The following CPXM2 variants were observed in gnomAD, a reference collection of about 807,000 sequenced individuals.
CPXM2 encodes carboxypeptidase X, M14 family member 2.
CPXM2 carries 66 observed loss-of-function variants against 86.1 expected under a neutral mutation model. The observed-to-expected ratio is 0.77, with a 90% CI of 0.63 to 0.94. The LOEUF is 0.94. CPXM2 is among the 40% of genes least tolerant of loss of function. The pLI, the probability that CPXM2 is intolerant of heterozygous loss-of-function variation, is 0.00. For missense variants in CPXM2, 948 were observed against 1,026.3 expected, an observed-to-expected ratio of 0.92 and a Z score of 1.04; for synonymous variants, 388 against 400.2, an observed-to-expected ratio of 0.97 and a Z score of 0.36.
chr10:123,790,334 C>T lies in CPXM2; in HGVS notation c.889+7642G>A, dbSNP rs530218907. Among the ~76,000 whole-genome samples the T allele has an allele frequency of 8.8e-5, 13 of 148,054 alleles. No individual in the cohort carries two copies. In the South Asian group the frequency reaches 1.3e-3, roughly 15 times the overall value. On this transcript the variant is annotated intron_variant, in intron 6 of 13. Coordinates refer to ENST00000241305, the MANE Select transcript of CPXM2 (RefSeq NM_198148.3). ...GCAGGTGACTAGGAGTGACTGAAGA[C>T]AGAGCAGGTGACCAGGGGTGACTCA... is the stretch of plus-strand genomic sequence containing the variant.
chr10:123,814,671 G>T (rs1847776281), intron 4 of CPXM2, among the ~76,000 whole-genome samples: 1 of 152,082 alleles, frequency 6.6e-6, no homozygotes. Context: ...AAATGCTAAG[G>T]ACTCTACTTC....
intron 4 of CPXM2, among the ~76,000 whole-genome samples, chr10:123,821,101 T>C (rs1366124933): frequency 6.6e-6 from 1 of 152,180 alleles, no homozygotes; most frequent in Admixed American, 6.5e-5. Flanking sequence ...TCCTGCCACC[T>C]GGGTCCCAAC....
chr10:123,879,989 T>C (rs1290184923), intron 2 of CPXM2, among the ~76,000 whole-genome samples: 1 of 152,104 alleles, frequency 6.6e-6, no homozygotes, highest in East Asian at 1.9e-4. Flanking sequence ...AATCAGAAAA[T>C]CTGGCTGTGA....
intron 11 of CPXM2, among the ~76,000 whole-genome samples, chr10:123,757,651 TA>T (rs1846246158): frequency 6.6e-6 from 1 of 152,326 alleles, no homozygotes; most frequent in African/African-American, 2.4e-5. Context: ...TTTATTAAAG[TA>T]AAAAAGTTTA....
At chr10:123,819,384 T>G (rs1847879296) in intron 4 of CPXM2, among the ~76,000 whole-genome samples, 1 of 152,102 alleles carries the variant, frequency 6.6e-6, no homozygotes, top group Admixed American at 6.5e-5. Context: ...CCTGCTGGGG[T>G]GCTTGCTGAA....
At position 123,751,087 on chromosome 10, in the gene CPXM2, G is replaced by A. The variant is rs546242470; in HGVS notation, c.2017+3576C>T. On this transcript the variant is annotated intron_variant, in intron 13 of 13. Coordinates refer to ENST00000241305, the MANE Select transcript of CPXM2 (RefSeq NM_198148.3). The stretch of plus-strand genomic sequence containing the variant: ...CATTCATGCGTGCCAAGCCTGTCCC[G>A]CAGACTCTGGCCAAGAGATGGATGA... 4.7e-4 allele frequency: 458 copies of A among 982,982 alleles called. 1 individual carries two copies. The highest frequency in any genetic ancestry group is 3.1e-3 in the South Asian group (65 of 21,234). The allele number at this position is 982,982 out of a possible 1,614,324, so 60.9% of individuals were successfully genotyped here.
chr10:123,833,142 G>C (rs1848203188), intron 4 of CPXM2, among the ~76,000 whole-genome samples: 1 of 152,190 alleles, frequency 6.6e-6, no homozygotes, highest in African/African-American at 2.4e-5. Context: ...ATCATGAACA[G>C]ACTAAGACAG....
At chr10:123,871,650 T>C (rs946486748) in intron 2 of CPXM2, among the ~76,000 whole-genome samples, 1 of 152,132 alleles carries the variant, frequency 6.6e-6, no homozygotes, top group Non-Finnish European at 1.5e-5. Context: ...TTCATGACCT[T>C]GGGGTGGGCA....
At chr10:123,747,105 CAGAG>C in intron 13 of CPXM2, 88 bp from the exon 14 acceptor site, 1 of 1,471,090 alleles carries the variant, frequency 6.8e-7, no homozygotes. Context: ...CTCCCTGGGC[CAGAG>C]AGAGACTCTC....
rs79746537 is a variant in CPXM2, at chr10:123,884,151, A to G, written c.305-3842T>C. 9.0e-3 allele frequency among the ~76,000 whole-genome samples: 1,374 copies of G among 152,300 alleles called. 13 individuals carry two copies. Among genetic ancestry groups the G allele is most frequent in the Non-Finnish European group, 0.015 (1,029 of 68,026 alleles). On this transcript the variant is annotated intron_variant, in intron 1 of 13. Transcript: ENST00000241305. ...ATCTTCCCCAGGAAATTCCAGTCCA[A>G]CAGGCTCTGCATTCCTGTAGTAAAG... is the stretch of plus-strand genomic sequence containing the variant.
chr10:123,887,102 C>G (rs1590103028), intron 1 of CPXM2: 1 of 152,308 alleles, frequency 6.6e-6, no homozygotes, highest in African/African-American at 2.4e-5. Flanking sequence ...AATTAGAGAG[C>G]AGAACGTTGT....
chr10:123,906,776 C>G (rs1287561852), intron 2 of CPXM2, among the ~76,000 whole-genome samples: 1 of 152,204 alleles, frequency 6.6e-6, no homozygotes, highest in Non-Finnish European at 1.5e-5. Context: ...AAGCCATCCC[C>G]ATGCACTTTT....
At chr10:123,884,780 T>A (rs752125746) in intron 1 of CPXM2, among the ~76,000 whole-genome samples, 1 of 152,216 alleles carries the variant, frequency 6.6e-6, no homozygotes, top group African/African-American at 2.4e-5. Context: ...TTCTCTGGGA[T>A]ACCTGCCTGG....
At chr10:123,899,571 C>T (rs140571186) in intron 2 of CPXM2, among the ~76,000 whole-genome samples, 51 of 152,356 alleles carry the variant, frequency 3.3e-4, no homozygotes, top group Admixed American at 1.1e-3. Flanking sequence ...AACCCCAGCA[C>T]TTTGCGAGGC....
At chr10:123,815,315 T>C (rs1847791381) in intron 4 of CPXM2, among the ~76,000 whole-genome samples, 1 of 152,094 alleles carries the variant, frequency 6.6e-6, no homozygotes, top group Admixed American at 6.5e-5. Context: ...GAGCTGAAAT[T>C]GTGGAAAAAC....
chr10:123,907,701 G>A (rs74992568), intron 2 of CPXM2, among the ~76,000 whole-genome samples: 10,975 of 151,376 alleles, frequency 0.073, 503 homozygotes, highest in East Asian at 0.19. Context: ...CCTCCCACAA[G>A]TTCATTCATG....
intron 4 of CPXM2, among the ~76,000 whole-genome samples, chr10:123,816,581 G>A (rs112893776): frequency 0.032 from 4,804 of 152,316 alleles, 254 homozygotes; most frequent in African/African-American, 0.11. Flanking sequence ...ACCAAGTGGT[G>A]ACTCCAATTG....
At chr10:123,817,088 G>C (rs1847828536) in intron 4 of CPXM2, among the ~76,000 whole-genome samples, 1 of 152,202 alleles carries the variant, frequency 6.6e-6, no homozygotes. Context: ...CTACAACCAA[G>C]AAAGAGGCAC....
chr10:123,755,578 C>T (rs763201811), intron 12 of CPXM2, among the ~76,000 whole-genome samples: 3 of 152,192 alleles, frequency 2.0e-5, no homozygotes, highest in Non-Finnish European at 2.9e-5. Flanking sequence ...TTTATAGGCA[C>T]ATTTATTTTG....
Sources: allele counts gnomAD v4.1 joint callset (sites outside exome capture counted in the v4.1 genomes callset), GRCh38; gene constraint gnomAD v4.1.1; transcripts MANE v1.5; gene names NCBI Gene and HGNC (gene_info 2026-07-23, HGNC 2026-07-21).